The following ARHGAP29 variants were observed in gnomAD, a reference collection of about 807,000 sequenced individuals.
The protein encoded by ARHGAP29 is Rho GTPase activating protein 29, also known as rho GTPase-activating protein 29.
A neutral mutation model predicts 122.6 loss-of-function variants in ARHGAP29; 43 were observed. The observed-to-expected ratio is 0.35, with a 90% confidence interval of 0.27 to 0.45. The LOEUF (loss-of-function observed/expected upper bound fraction) is 0.45. Ranked by LOEUF, ARHGAP29 falls within the 20% of genes least tolerant of loss-of-function variation. The pLI is 1.00. For missense variants in ARHGAP29, 1,303 were observed against 1,477.2 expected (o/e 0.88, Z 1.93); for synonymous variants, 506 against 497.1 (o/e 1.02, Z -0.24).
At chr1:94,200,937 T>C (rs1028349125) in intron 12 of ARHGAP29, among the ~76,000 whole-genome samples, 5 of 152,204 alleles carry the variant, frequency 3.3e-5, no homozygotes, top group African/African-American at 1.2e-4. Context: ...AGTGATAGCA[T>C]TGTTCTGAAT....
the ARHGAP29 span, among the ~76,000 whole-genome samples, chr1:94,287,748 G>A: frequency 4.0e-5 from 6 of 151,862 alleles, no homozygotes; most frequent in East Asian, 1.9e-4. Flanking sequence ...GAGAACATGC[G>A]ATGTTTGGTT....
chr1:94,205,563 G>T (rs1651137314), intron 6 of ARHGAP29, 72 bp downstream of exon 6: 1 of 1,377,712 alleles, frequency 7.3e-7, no homozygotes, highest in Admixed American at 2.0e-5. Flanking sequence ...AGCAAGAAGA[G>T]ATTAATCCAG....
intron 6 of ARHGAP29, 141 bp from the exon 7 acceptor site, chr1:94,205,339 A>G: frequency 1.5e-6 from 1 of 681,382 alleles, no homozygotes. Context: ...TTACAATTAA[A>G]AGGCCAGAGT....
At chr1:94,221,624 TATACATAC>T (rs1343376616) in intron 2 of ARHGAP29, among the ~76,000 whole-genome samples, 1 of 150,736 alleles carries the variant, frequency 6.6e-6, no homozygotes, top group Non-Finnish European at 1.5e-5. Context: ...CTTAAATATA[TATACATAC>T]ATATGTACAT....
intron 2 of ARHGAP29, among the ~76,000 whole-genome samples, chr1:94,229,642 T>A: frequency 6.6e-6 from 1 of 151,716 alleles, no homozygotes; most frequent in East Asian, 1.9e-4. Flanking sequence ...TTTTTGATAA[T>A]GTCCTTATGA....
upstream of ARHGAP29, among the ~76,000 whole-genome samples, chr1:94,241,751 A>AT (rs1557884372): frequency 6.2e-5 from 8 of 128,174 alleles, no homozygotes; most frequent in Non-Finnish European, 1.4e-4. Flanking sequence ...TATATATATA[A>AT]AATCAAATGG....
rs1048278482 is a variant in ARHGAP29, at chr1:94,264,002, C to T, written c.-33+11010G>A. Among the ~76,000 whole-genome samples the T allele has an allele frequency of 5.3e-5, 8 of 152,094 alleles. No individual in the cohort carries two copies. In the East Asian group the frequency reaches 7.7e-4, roughly 15 times the overall value. Reference sequence around the variant, plus strand: ...CAGTGGTGAGCATCCTTGTTAAAACCGAGCTTGCATCAATCCTATTTCCCT... The same window carrying T: ...CAGTGGTGAGCATCCTTGTTAAAACTGAGCTTGCATCAATCCTATTTCCCT... On this transcript the variant is annotated intron_variant and NMD_transcript_variant, in intron 1 of 25. Transcript: ENST00000552844.
intron 1 of ARHGAP29, among the ~76,000 whole-genome samples, chr1:94,252,178 A>G (rs1439229774): frequency 1.3e-5 from 2 of 152,214 alleles, no homozygotes; most frequent in African/African-American, 4.8e-5. Context: ...CTTGTAACCA[A>G]TATACTAACA....
At chr1:94,254,923 G>C (rs749423375) in intron 1 of ARHGAP29, among the ~76,000 whole-genome samples, 1 of 152,168 alleles carries the variant, frequency 6.6e-6, no homozygotes, top group East Asian at 1.9e-4. Flanking sequence ...AACTGAAGGT[G>C]GTTTTTGGTA....
At chr1:94,184,549 G>A (rs1187033436) in intron 18 of ARHGAP29, among the ~76,000 whole-genome samples, 1 of 152,094 alleles carries the variant, frequency 6.6e-6, no homozygotes, top group Non-Finnish European at 1.5e-5. Context: ...TTCAAGACCA[G>A]CCTGGGCAAC....
At chr1:94,176,967 T>C (rs1349947402) in intron 22 of ARHGAP29, 1 of 152,202 alleles carries the variant, frequency 6.6e-6, no homozygotes, top group Non-Finnish European at 1.5e-5. Flanking sequence ...ATTTAACATA[T>C]ATGGCTGCAA....
Position 94,207,817 on chromosome 1 carries a change from G to A in ARHGAP29, c.510+1015C>T, listed in dbSNP as rs184267831. Among the ~76,000 whole-genome samples, 17 of 151,734 alleles carry A rather than the reference G, an allele frequency of 1.1e-4. No individual in the cohort carries two copies. In the East Asian group the frequency reaches 3.1e-3, roughly 28 times the overall value. ...TTATAATAATATAAGTCCCTGGCAC[G>A]TTTCCAAATATTTGATTTTTTTTTT... On this transcript the variant is annotated intron_variant, in intron 5 of 22. Coordinates refer to ENST00000260526, the MANE Select transcript of ARHGAP29 (RefSeq NM_004815.4).
In ARHGAP29 at chr1:94,223,045, G is replaced by A. The variant is rs375798196; in HGVS notation, c.206-2653C>T. On this transcript the variant is annotated intron_variant, in intron 2 of 22. Coordinates refer to ENST00000260526, the MANE Select transcript of ARHGAP29 (RefSeq NM_004815.4). ...TGCAAGCTCCGCCTCCTGGGTTCAC[G>A]CCATTCTCCTGCCTCAGCCTCCCGA... Among the ~76,000 whole-genome samples, 38 of 151,798 alleles carry A rather than the reference G, an allele frequency of 2.5e-4. No homozygotes were observed. The South Asian group carries it at 3.5e-3, about 14-fold the overall frequency.
intron 1 of ARHGAP29, chr1:94,248,259 G>C (rs905423420): frequency 5.3e-5 from 8 of 152,166 alleles, no homozygotes; most frequent in Non-Finnish European, 1.2e-4. Flanking sequence ...ACACATGGCA[G>C]GTGCTCAGTA....
At chr1:94,184,515 C>T (rs528366703) in intron 18 of ARHGAP29, among the ~76,000 whole-genome samples, 3 of 151,990 alleles carry the variant, frequency 2.0e-5, no homozygotes, top group Non-Finnish European at 4.4e-5. Context: ...GAGGTGGAGG[C>T]GGGAAGATCA....
intron 12 of ARHGAP29, chr1:94,195,468 T>A (rs903640164): frequency 6.6e-6 from 1 of 152,178 alleles, no homozygotes; most frequent in African/African-American, 2.4e-5. Context: ...AACACAGATG[T>A]GTGCAACCAA....
At chr1:94,270,944 T>C (rs1259712939) in intron 1 of ARHGAP29, among the ~76,000 whole-genome samples, 3 of 152,314 alleles carry the variant, frequency 2.0e-5, no homozygotes, top group East Asian at 1.9e-4. Context: ...GGGGTTGAAA[T>C]AACACATGAC....
the ARHGAP29 span, among the ~76,000 whole-genome samples, chr1:94,297,084 T>C: frequency 6.6e-6 from 1 of 152,240 alleles, no homozygotes; most frequent in East Asian, 1.9e-4. Context: ...GGAAGTCTTG[T>C]AACTGACAGT....
In ARHGAP29 at chr1:94,209,250, T is replaced by A; in HGVS notation, c.437+4A>T. 3 of 1,600,516 alleles carry A rather than the reference T, an allele frequency of 1.9e-6. No individual in the cohort carries two copies. Among genetic ancestry groups the A allele is most frequent in the Non-Finnish European group, 2.6e-6 (3 of 1,171,354 alleles). On this transcript the variant is annotated splice_donor_region_variant and intron_variant, in intron 4 of 22. Coordinates refer to ENST00000260526, the MANE Select transcript of ARHGAP29 (RefSeq NM_004815.4). The stretch of plus-strand genomic sequence containing the variant: ...GTTGCTTTAAATGACAGTTCTCTAC[T>A]TACATATTTCCAAAGGTAAATGCCA...
Sources: gnomAD v4.1 joint callset for allele counts (sites outside exome capture counted in the v4.1 genomes callset) on GRCh38, gnomAD v4.1.1 for gene constraint, MANE v1.5 for transcripts, NCBI Gene and HGNC (gene_info 2026-07-23, HGNC 2026-07-21) for gene names.